The following RHBDD1 variants were observed in gnomAD, a reference collection of about 807,000 sequenced individuals.
RHBDD1 encodes rhomboid domain containing 1, also known as rhomboid-related protein 4.
Under a neutral mutation model 36.3 loss-of-function variants are expected in RHBDD1, and 38 were observed. The ratio of observed to expected loss-of-function variants is 1.05; its 90% confidence interval spans 0.81 to 1.37. RHBDD1 has a LOEUF of 1.37. RHBDD1 is among the 40% of genes most tolerant of loss of function. The pLI, the probability that RHBDD1 is intolerant of heterozygous loss-of-function variation, is 0.00. For missense variants in RHBDD1, 393 were observed against 377.6 expected, an observed-to-expected ratio of 1.04 and a Z score of -0.34; for synonymous variants, 151 against 136.5, an observed-to-expected ratio of 1.11 and a Z score of -0.74.
At chr2:226,954,434 C>T (rs1951652695) in intron 8 of RHBDD1, among the ~76,000 whole-genome samples, 1 of 152,034 alleles carries the variant, frequency 6.6e-6, no homozygotes, top group Admixed American at 6.6e-5. Flanking sequence ...TATTTTATAA[C>T]AAAGTAATAG....
chr2:226,831,469 T>C (rs1344313194), upstream of RHBDD1, among the ~76,000 whole-genome samples: 1 of 152,030 alleles, frequency 6.6e-6, no homozygotes, highest in Non-Finnish European at 1.5e-5. Context: ...GACAGGCACG[T>C]GAGGGAACAG....
intron 3 of RHBDD1, among the ~76,000 whole-genome samples, chr2:226,858,430 ACT>A (rs1421735973): frequency 2.0e-5 from 3 of 152,176 alleles, no homozygotes; most frequent in African/African-American, 4.8e-5. Context: ...TCCCATTAAG[ACT>A]CTGTAGTTCC....
intron 8 of RHBDD1, among the ~76,000 whole-genome samples, chr2:226,978,854 G>A (rs1955065479): frequency 1.3e-5 from 2 of 152,182 alleles, no homozygotes; most frequent in Non-Finnish European, 2.9e-5. Flanking sequence ...AGCAAGGAGA[G>A]ATGTTTGTTT....
chr2:226,956,264 G>A (rs550048573), intron 8 of RHBDD1, among the ~76,000 whole-genome samples: 14 of 152,160 alleles, frequency 9.2e-5, no homozygotes, highest in South Asian at 4.2e-4. Context: ...CCTGAGGCGC[G>A]CAGTCCCACT....
intron 3 of RHBDD1, among the ~76,000 whole-genome samples, chr2:226,843,441 G>C (rs1041221338): frequency 6.6e-6 from 1 of 152,014 alleles, no homozygotes; most frequent in African/African-American, 2.4e-5. Context: ...TGAGGTAAGT[G>C]CCTTTAATCC....
At chr2:226,970,622 C>A (rs1274719568) in intron 8 of RHBDD1, among the ~76,000 whole-genome samples, 1 of 152,204 alleles carries the variant, frequency 6.6e-6, no homozygotes, top group Non-Finnish European at 1.5e-5. Flanking sequence ...TAGCGAGAGG[C>A]ACTCACCACC....
intron 8 of RHBDD1, among the ~76,000 whole-genome samples, chr2:226,929,782 T>C (rs139925805): frequency 6.6e-6 from 1 of 152,134 alleles, no homozygotes; most frequent in Non-Finnish European, 1.5e-5. Context: ...ATTTTATAAA[T>C]GAATTCAGTA....
chr2:226,924,959 G>A (rs755925137), intron 8 of RHBDD1, among the ~76,000 whole-genome samples: 1 of 152,200 alleles, frequency 6.6e-6, no homozygotes, highest in East Asian at 1.9e-4. Context: ...ACCAGGTACT[G>A]TGATCACTCA....
chr2:226,979,630 T>G (rs1265770557), intron 8 of RHBDD1, among the ~76,000 whole-genome samples: 1 of 152,200 alleles, frequency 6.6e-6, no homozygotes, highest in Non-Finnish European at 1.5e-5. Flanking sequence ...CTCAGCAGGC[T>G]GGGTACCCTT....
intron 8 of RHBDD1, among the ~76,000 whole-genome samples, chr2:226,962,719 AG>A (rs1952303603): frequency 6.6e-6 from 1 of 152,238 alleles, no homozygotes; most frequent in Non-Finnish European, 1.5e-5. Flanking sequence ...GGGAGGAGGA[AG>A]GCATCAAGTA....
intron 8 of RHBDD1, among the ~76,000 whole-genome samples, chr2:226,989,692 C>G (rs751345749): frequency 6.6e-6 from 1 of 152,078 alleles, no homozygotes; most frequent in Non-Finnish European, 1.5e-5. Flanking sequence ...CATAGTGGAC[C>G]TGATGTTATA....
At chr2:226,807,065 C>A in the RHBDD1 span, among the ~76,000 whole-genome samples, 1 of 152,136 alleles carries the variant, frequency 6.6e-6, no homozygotes, top group Non-Finnish European at 1.5e-5. Context: ...ATCTGATGCA[C>A]TTACAGTTTT....
At chr2:226,898,843 G>A (rs900626445) in intron 5 of RHBDD1, among the ~76,000 whole-genome samples, 3 of 152,128 alleles carry the variant, frequency 2.0e-5, no homozygotes, top group Admixed American at 6.6e-5. Flanking sequence ...GGAAGAAATC[G>A]TGGAGAGTAC....
At chr2:226,928,331 A>G (rs1247859381) in intron 8 of RHBDD1, among the ~76,000 whole-genome samples, 1 of 152,138 alleles carries the variant, frequency 6.6e-6, no homozygotes. Flanking sequence ...GTAAAACTAG[A>G]AATCAGTTCT....
At chr2:226,951,536 T>G (rs982993685) in intron 8 of RHBDD1, among the ~76,000 whole-genome samples, 1 of 152,212 alleles carries the variant, frequency 6.6e-6, no homozygotes, top group Non-Finnish European at 1.5e-5. Flanking sequence ...TTGGTCAAAC[T>G]TTAAGCTTCC....
intron 8 of RHBDD1, among the ~76,000 whole-genome samples, chr2:226,952,144 A>T (rs1212882991): frequency 1.3e-5 from 2 of 152,174 alleles, no homozygotes; most frequent in African/African-American, 4.8e-5. Context: ...CCCAGGTGAT[A>T]CTAACAGGTC....
chr2:226,962,838 C>T (rs1952314278), intron 8 of RHBDD1, among the ~76,000 whole-genome samples: 1 of 152,134 alleles, frequency 6.6e-6, no homozygotes, highest in Non-Finnish European at 1.5e-5. Context: ...GTTTATGGTA[C>T]AGAAAATTTG....
Position 226,852,900 on chromosome 2 carries a change from A to ATTTATT in RHBDD1, c.-90-11703_-90-11698dup, listed in dbSNP as rs34644904. ...AGGTGTGTGCCACTGCACCTGGCTA[A>ATTTATT]TTTATTATTATTATTATTATTATTA... On this transcript the variant is annotated intron_variant, in intron 3 of 8. Coordinates refer to ENST00000392062, the MANE Select transcript of RHBDD1 (RefSeq NM_001167608.3). Among the ~76,000 whole-genome samples, 191 of 105,736 alleles carry ATTTATT rather than the reference A, an allele frequency of 1.8e-3. No individual in the cohort carries two copies. The Middle Eastern group carries it at 0.023, about 12-fold the overall frequency. 69.4% of individuals were successfully genotyped at this position (105,736 alleles called of 152,430 possible).
chr2:226,956,062 T>C (rs1951768667), intron 8 of RHBDD1, among the ~76,000 whole-genome samples: 1 of 152,148 alleles, frequency 6.6e-6, no homozygotes, highest in Non-Finnish European at 1.5e-5. Flanking sequence ...TGGAAACCAA[T>C]ACACAGAAAG....
Sources: gnomAD v4.1 joint callset for allele counts (sites outside exome capture counted in the v4.1 genomes callset) on GRCh38, gnomAD v4.1.1 for gene constraint, MANE v1.5 for transcripts, NCBI Gene and HGNC (gene_info 2026-07-23, HGNC 2026-07-21) for gene names.